The following CDK12 variants were observed in gnomAD, a reference collection of about 807,000 sequenced individuals.
The protein encoded by CDK12 is cyclin-dependent kinase 12.
In CDK12, 17 loss-of-function variants were observed where a neutral mutation model predicts 133.8. That is an observed-to-expected ratio of 0.13 (90% confidence interval 0.09 to 0.19). The LOEUF is 0.19. Among genes scored for constraint, CDK12 ranks in the 10% least tolerant of loss-of-function variants. CDK12 has a pLI of 1.00. For missense variants in CDK12, 1,508 were observed against 1,818.7 expected, an observed-to-expected ratio of 0.83 and a Z score of 3.11; for synonymous variants, 694 against 683.6, an observed-to-expected ratio of 1.02 and a Z score of -0.24.
At chr17:39,490,139 C>G (rs554724515) in intron 2 of CDK12, among the ~76,000 whole-genome samples, 10 of 150,320 alleles carry the variant, frequency 6.7e-5, no homozygotes, top group African/African-American at 2.4e-4. Flanking sequence ...GGCCGAGGCA[C>G]GTGGATCATT....
chr17:39,523,780 A>G (rs1054561119), intron 11 of CDK12, among the ~76,000 whole-genome samples: 2 of 151,834 alleles, frequency 1.3e-5, no homozygotes, highest in African/African-American at 4.8e-5. Context: ...CAGCCTCCTT[A>G]GTAGCTGGGA....
intron 1 of CDK12, among the ~76,000 whole-genome samples, chr17:39,467,955 G>A (rs1302786253): frequency 2.6e-5 from 4 of 151,320 alleles, no homozygotes; most frequent in African/African-American, 2.4e-5. Flanking sequence ...GTGCAGTGGC[G>A]TGATCTTGGC....
intron 1 of CDK12, chr17:39,550,976 C>CAAA (rs59717653): frequency 2.7e-5 from 3 of 112,726 alleles, no homozygotes; most frequent in African/African-American, 3.7e-5. Flanking sequence ...GACTCTGTCT[C>CAAA]AAAAAAAAAA....
chr17:39,521,308 G>C (rs1037809047), intron 11 of CDK12, among the ~76,000 whole-genome samples: 1 of 151,866 alleles, frequency 6.6e-6, no homozygotes, highest in African/African-American at 2.4e-5. Context: ...TTCACTCTTC[G>C]CATCCAGGCT....
chr17:39,486,196 G>C (rs974974518), intron 2 of CDK12, among the ~76,000 whole-genome samples: 3 of 147,728 alleles, frequency 2.0e-5, no homozygotes, highest in African/African-American at 7.5e-5. Flanking sequence ...CAGGTGATCC[G>C]CCCGCTTGGC....
rs60227908 is a variant in CDK12 at position 39,555,828 on chromosome 17, TACACACACACACACACACAC to T, written n.357-420_357-401del. On this transcript the variant is annotated intron_variant and non_coding_transcript_variant, in intron 2 of 3. Coordinates refer to the CDK12 transcript ENST00000558240. The stretch of plus-strand genomic sequence containing the variant: ...GGGAAACATAGTGAAACCTCATCTC[TACACACACACACACACACAC>T]ACACACACACACACACACACACACA... 4.7e-3 allele frequency among the ~76,000 whole-genome samples: 511 copies of T among 108,686 alleles called. 5 individuals carry two copies. The highest frequency in any genetic ancestry group is 0.017 in the African/African-American group (447 of 26,954). 71.3% of individuals were successfully genotyped at this position (108,686 alleles called of 152,430 possible).
rs2144860274 is a variant in CDK12 at position 39,462,315 on chromosome 17, A to G, written c.244A>G (p.Thr82Ala). The G allele has an allele frequency of 3.1e-6, 5 of 1,614,148 alleles. No homozygotes were observed. Among genetic ancestry groups the G allele is most frequent in the Non-Finnish European group, 3.4e-6 (4 of 1,180,038 alleles). Residue 82 changes from threonine to alanine, a missense_variant, in exon 1 of 14, where the codon ACC becomes GCC. Physicochemically the swap from Thr to Ala is moderately conservative, Grantham distance 58 (BLOSUM62 0). Coordinates refer to ENST00000447079, the MANE Select transcript of CDK12 (RefSeq NM_016507.4). ...TGATGATATCAGCTCTGATTCCGAC[A>G]CCTTCTCCGATGACATGGCCTTCAA... Reference protein sequence around the residue: ...EYDDISSDSDTFSDDMAFKLD... With the variant: ...EYDDISSDSDAFSDDMAFKLD...
At chr17:39,495,596 C>T (rs1440730332) in intron 5 of CDK12, among the ~76,000 whole-genome samples, 2 of 151,418 alleles carry the variant, frequency 1.3e-5, no homozygotes, top group Non-Finnish European at 2.9e-5. Flanking sequence ...TCAAGACCAT[C>T]CTGGCTAACA....
At chr17:39,496,393 T>G (rs1458708374) in intron 5 of CDK12, among the ~76,000 whole-genome samples, 1 of 151,954 alleles carries the variant, frequency 6.6e-6, no homozygotes, top group Admixed American at 6.6e-5. Context: ...TAGTTGCCAA[T>G]TTTCAGTTTA....
downstream of CDK12, among the ~76,000 whole-genome samples, chr17:39,537,569 A>ATTTG (rs1555582226): frequency 8.0e-5 from 12 of 150,240 alleles, no homozygotes; most frequent in African/African-American, 2.7e-4. Flanking sequence ...TTATTTATTT[A>ATTTG]TTTATTTATT....
At chr17:39,478,822 C>G (rs2050411941) in intron 2 of CDK12, among the ~76,000 whole-genome samples, 1 of 151,918 alleles carries the variant, frequency 6.6e-6, no homozygotes, top group Non-Finnish European at 1.5e-5. Flanking sequence ...GATGTTGTAT[C>G]AAAGAAAATG....
intron 6 of CDK12, among the ~76,000 whole-genome samples, chr17:39,507,578 A>G (rs936158991): frequency 6.6e-6 from 1 of 152,080 alleles, no homozygotes; most frequent in African/African-American, 2.4e-5. Flanking sequence ...TGCTATCAGC[A>G]GGTTCTGTAG....
chr17:39,501,432 A>C lies in CDK12; in HGVS notation c.2602A>C (p.Asn868His), dbSNP rs766452916. The change falls in exon 6 of 14, where the codon AAT (asparagine) becomes CAT (histidine). Residue 868 changes from asparagine to histidine, a missense_variant. Asn to His is a moderately conservative substitution (Grantham distance 68, BLOSUM62 1). This residue lies in a region of CDK12 where 82 missense variants were observed against 201.5 expected (regional missense o/e 0.41). Transcript: ENST00000447079. ...RDIKCSNILLNNSGQIKLADF... is the reference protein window; with the variant it reads ...RDIKCSNILLHNSGQIKLADF... The stretch of plus-strand genomic sequence containing the variant: ...TATTAAGTGTTCTAACATTTTGCTG[A>C]ATAACAGGTAACATAGTAACCAAAT... 6.2e-7 allele frequency: 1 copy of C among 1,607,410 alleles called. No homozygotes were observed. The highest frequency in any genetic ancestry group is 1.1e-5 in the South Asian group (1 of 89,816).
At chr17:39,523,233 GGAGGCTGAGGCAGGCAGATCACCTGA>G (rs1277538994) in intron 11 of CDK12, among the ~76,000 whole-genome samples, 1 of 152,056 alleles carries the variant, frequency 6.6e-6, no homozygotes, top group Non-Finnish European at 1.5e-5. Context: ...CAGCACTTTG[GGAGGCTGAGGCAGGCAGATCACCTGA>G]GGTCATGAGT....
chr17:39,523,002 G>A (rs1158388976), intron 11 of CDK12, among the ~76,000 whole-genome samples: 1 of 152,036 alleles, frequency 6.6e-6, no homozygotes, highest in African/African-American at 2.4e-5. Context: ...GCAGTGAGCC[G>A]AGATTGTGCC....
chr17:39,523,951 A>G (rs938604487), intron 11 of CDK12, among the ~76,000 whole-genome samples: 2 of 152,186 alleles, frequency 1.3e-5, no homozygotes, highest in African/African-American at 4.8e-5. Flanking sequence ...GCGCCCAGCC[A>G]AATTCATTTA....
chr17:39,473,560 C>T (rs1389600709), intron 2 of CDK12, among the ~76,000 whole-genome samples: 5 of 151,952 alleles, frequency 3.3e-5, no homozygotes, highest in African/African-American at 1.2e-4. Flanking sequence ...CTGGCCAACA[C>T]GATGGAACCC....
intron 3 of CDK12, among the ~76,000 whole-genome samples, chr17:39,491,979 T>C (rs1324330376): frequency 6.8e-6 from 1 of 146,122 alleles, no homozygotes; most frequent in Admixed American, 6.9e-5. Flanking sequence ...ATACAAAAAT[T>C]AGCTGGGCGG....
chr17:39,474,484 A>G (rs886150460), intron 2 of CDK12, among the ~76,000 whole-genome samples: 1 of 151,926 alleles, frequency 6.6e-6, no homozygotes, highest in Non-Finnish European at 1.5e-5. Context: ...ACACCCGGCT[A>G]ATTTATTTTT....
Sources: gnomAD v4.1 joint callset for allele counts (sites outside exome capture counted in the v4.1 genomes callset) on GRCh38, gnomAD v4.1.1 for gene constraint, gnomAD v4.1.1 regional missense constraint, MANE v1.5 for transcripts, NCBI Gene and HGNC (gene_info 2026-07-23, HGNC 2026-07-21) for gene names.